MED15: variants seen among roughly 807,000 people sequenced by gnomAD.
MED15 encodes the protein mediator of RNA polymerase II transcription subunit 15.
Under a neutral mutation model 118.7 loss-of-function variants are expected in MED15, and 41 were observed. The observed-to-expected ratio is 0.35, with a 90% CI of 0.27 to 0.45. The LOEUF (loss-of-function observed/expected upper bound fraction) is 0.45. MED15 is among the 20% of genes least tolerant of loss of function. The pLI, the probability that MED15 is intolerant of heterozygous loss-of-function variation, is 1.00. For synonymous variants in MED15, 436 were observed against 413.9 expected (o/e 1.05, Z -0.65); for missense variants, 740 against 1,025.5 (o/e 0.72, Z 3.80).
At chr22:20,522,869 TGAAG>T (rs1487595235) in intron 1 of MED15, 2 of 152,160 alleles carry the variant, frequency 1.3e-5, no homozygotes, top group Non-Finnish European at 2.9e-5. Flanking sequence ...AGAGCAGATG[TGAAG>T]GAAGACTGTG....
At chr22:20,564,427 T>C (rs1416163586) in intron 5 of MED15, 23 bp from the exon 6 acceptor site, 1 of 1,613,108 alleles carries the variant, frequency 6.2e-7, no homozygotes, top group Non-Finnish European at 8.5e-7. Context: ...GTGGACTGAC[T>C]GGCGACTCTG....
At position 20,566,529 on chromosome 22, in the gene MED15, G is replaced by GCAA. The variant is rs878910304; in HGVS notation, c.755_756insACA (p.Gln262dup). 1.3e-5 allele frequency: 9 copies of GCAA among 675,260 alleles called. No homozygotes were observed. The highest frequency in any genetic ancestry group is 8.5e-5 in the African/African-American group (4 of 46,784). 41.8% of individuals were successfully genotyped at this position (675,260 alleles called of 1,614,324 possible). On this transcript the variant is annotated inframe_insertion, in exon 7 of 18. Transcript: ENST00000263205. ...AGCTGCAGCTCCAACAACAGCAACA[G>GCAA]CAGCAGCAGCAGCAGCAGCAGCAGC... is the stretch of plus-strand genomic sequence containing the variant.
chr22:20,510,790 A>G lies in MED15; in HGVS notation c.68+3044A>G, dbSNP rs56115076. 8.6e-3 allele frequency among the ~76,000 whole-genome samples: 1,312 copies of G among 152,334 alleles called. 13 individuals are homozygous for G. The highest frequency in any genetic ancestry group is 0.058 in the Middle Eastern group (17 of 294). On this transcript the variant is annotated intron_variant, in intron 1 of 17. Transcript: ENST00000263205. Reference sequence around the variant, plus strand: ...GGCTCAGATTAGATTTAGTGCACACAGAGAAGCCAGGATAATCTCTTTATT... The same window carrying G: ...GGCTCAGATTAGATTTAGTGCACACGGAGAAGCCAGGATAATCTCTTTATT...
At chr22:20,523,153 A>G (rs1170693651) in intron 1 of MED15, 1 of 152,172 alleles carries the variant, frequency 6.6e-6, no homozygotes, top group Non-Finnish European at 1.5e-5. Flanking sequence ...ATGTAAATAT[A>G]TATACACATG....
At chr22:20,537,438 C>T (rs75878005) in intron 2 of MED15, among the ~76,000 whole-genome samples, 5,686 of 152,280 alleles carry the variant, frequency 0.037, 337 homozygotes, top group African/African-American at 0.13. Flanking sequence ...ACCTCACTGC[C>T]GTCACCTTCC....
chr22:20,564,402 C>G, intron 5 of MED15, 48 bp from the exon 6 acceptor site: 1 of 1,606,278 alleles, frequency 6.2e-7, no homozygotes, highest in Non-Finnish European at 8.5e-7. Context: ...TGCAGCGTTT[C>G]TGGGAATCTG....
At chr22:20,556,480 A>G (rs2056011996) in intron 5 of MED15, among the ~76,000 whole-genome samples, 1 of 151,914 alleles carries the variant, frequency 6.6e-6, no homozygotes, top group Non-Finnish European at 1.5e-5. Flanking sequence ...TTATATTTTT[A>G]GTGGAGATGG....
intron 2 of MED15, among the ~76,000 whole-genome samples, chr22:20,547,855 T>G (rs935992739): frequency 6.6e-6 from 1 of 151,802 alleles, no homozygotes; most frequent in Admixed American, 6.6e-5. Context: ...ATAAATTAGC[T>G]GGACATGGTA....
intron 8 of MED15, among the ~76,000 whole-genome samples, chr22:20,570,738 C>CTT (rs2056622196): frequency 1.1e-5 from 1 of 90,984 alleles, no homozygotes; most frequent in African/African-American, 4.7e-5. Flanking sequence ...TTCTTTCTTT[C>CTT]TTTCTTTCTT....
intron 14 of MED15, 113 bp downstream of exon 14, chr22:20,584,538 C>A: frequency 1.6e-6 from 2 of 1,251,202 alleles, no homozygotes; most frequent in Non-Finnish European, 2.3e-6. Flanking sequence ...CCGGGCCTGA[C>A]CTTGGACCCT....
At chr22:20,546,502 G>GTTTTTTT (rs139110861) in intron 2 of MED15, among the ~76,000 whole-genome samples, 20 of 109,392 alleles carry the variant, frequency 1.8e-4, no homozygotes, top group East Asian at 3.0e-4. Context: ...GTTACATGGA[G>GTTTTTTT]TTTTTTTTGT....
At chr22:20,530,938 G>C (rs2146414998) in intron 1 of MED15, among the ~76,000 whole-genome samples, 1 of 152,246 alleles carries the variant, frequency 6.6e-6, no homozygotes, top group Middle Eastern at 3.4e-3. Flanking sequence ...TGCACATTTG[G>C]GCAGGTTGTT....
At chr22:20,553,806 G>A (rs1234113958) in intron 4 of MED15, among the ~76,000 whole-genome samples, 1 of 152,210 alleles carries the variant, frequency 6.6e-6, no homozygotes, top group Admixed American at 6.5e-5. Context: ...GGGAGGCTGA[G>A]GTTGCAGTGA....
rs75946839 is a variant in MED15 at position 20,508,261 on chromosome 22, C to T, written c.68+515C>T. 8.3e-3 allele frequency: 10,704 copies of T among 1,294,486 alleles called. 50 individuals are homozygous for T. Among genetic ancestry groups the T allele is most frequent in the Non-Finnish European group, 0.01 (9,884 of 984,234 alleles). 80.2% of individuals were successfully genotyped at this position (1,294,486 alleles called of 1,614,324 possible). A position where few individuals can be genotyped will look rare whatever the true frequency, so the allele number is the denominator to read the frequency against. Reference sequence around the variant, plus strand: ...GGGTGACCCCCCGAAGGAATGTGGACTTTGCCGAAGGATGGCAGGAAGCCG... The same window carrying T: ...GGGTGACCCCCCGAAGGAATGTGGATTTTGCCGAAGGATGGCAGGAAGCCG... On this transcript the variant is annotated intron_variant, in intron 1 of 17. Coordinates refer to ENST00000263205, the MANE Select transcript of MED15 (RefSeq NM_001003891.3).
chr22:20,586,366 C>G (rs1206294142), intron 17 of MED15, among the ~76,000 whole-genome samples: 2 of 152,226 alleles, frequency 1.3e-5, no homozygotes, highest in Non-Finnish European at 2.9e-5. Flanking sequence ...AGAGGCAGAG[C>G]CCTAGATCCT....
At chr22:20,535,032 A>G (rs1307851741) in intron 1 of MED15, among the ~76,000 whole-genome samples, 3 of 152,144 alleles carry the variant, frequency 2.0e-5, no homozygotes, top group Non-Finnish European at 1.5e-5. Flanking sequence ...ATCTTGGCTC[A>G]CTGCAACCTC....
At chr22:20,557,220 G>A (rs1021740312) in intron 5 of MED15, among the ~76,000 whole-genome samples, 6 of 152,108 alleles carry the variant, frequency 3.9e-5, no homozygotes, top group Admixed American at 6.6e-5. Flanking sequence ...AGCTGGGATC[G>A]AAGCTGCTGC....
At chr22:20,580,228 C>T (rs529075046) in intron 9 of MED15, among the ~76,000 whole-genome samples, 182 of 152,224 alleles carry the variant, frequency 1.2e-3, no homozygotes, top group African/African-American at 4.0e-3. Context: ...GCCCCACGGG[C>T]GTGGCTGGTG....
chr22:20,537,923 G>A (rs2055143040), intron 2 of MED15, among the ~76,000 whole-genome samples: 2 of 152,238 alleles, frequency 1.3e-5, no homozygotes, highest in Admixed American at 1.3e-4. Context: ...GTGGGATAGA[G>A]TGGGCTCTGT....
Sources: gnomAD v4.1 joint callset for allele counts (sites outside exome capture counted in the v4.1 genomes callset) on GRCh38, gnomAD v4.1.1 for gene constraint, MANE v1.5 for transcripts, NCBI Gene and HGNC (gene_info 2026-07-23, HGNC 2026-07-21) for gene names.